Variants in ZGRF1 observed in about 807,000 individuals in gnomAD.
ZGRF1 encodes zinc finger GRF-type containing 1.
A neutral mutation model predicts 203.5 loss-of-function variants in ZGRF1; 196 were observed. That is an observed-to-expected ratio of 0.96 (90% CI 0.86 to 1.08). The LOEUF is 1.08. Among genes scored for constraint, ZGRF1 ranks in the 50% least tolerant of loss-of-function variants. The pLI is 0.00. For missense variants in ZGRF1, 2,326 were observed against 2,416.3 expected (o/e 0.96, Z 0.78); for synonymous variants, 809 against 841.3 (o/e 0.96, Z 0.66).
rs982890766 is a variant in ZGRF1, at chr4:112,565,178, G to A, written c.4439-1904C>T. The A allele has an allele frequency of 3.6e-5, 54 of 1,515,144 alleles. No homozygotes were observed. The African/African-American group carries it at 4.7e-4, about 13-fold the overall frequency. The allele number at this position is 1,515,144 out of a possible 1,614,324, so 93.9% of individuals were successfully genotyped here. A position where few individuals can be genotyped will look rare whatever the true frequency, so the allele number is the denominator to read the frequency against. On this transcript the variant is annotated intron_variant, in intron 16 of 27. Coordinates refer to ENST00000505019, the MANE Select transcript of ZGRF1 (RefSeq NM_018392.5). Reference sequence around the variant, plus strand: ...CAGAAGTCCACTGAACTTCTGATTCGCTAACTTCCCTTCCAGCGTCTGGTG... The same window carrying A: ...CAGAAGTCCACTGAACTTCTGATTCACTAACTTCCCTTCCAGCGTCTGGTG...
intron 2 of ZGRF1, among the ~76,000 whole-genome samples, chr4:112,632,764 G>A (rs2047453439): frequency 6.6e-6 from 1 of 152,194 alleles, no homozygotes; most frequent in African/African-American, 2.4e-5. Context: ...ACCAAATAGT[G>A]TGAGAACTGC....
At position 112,619,214 on chromosome 4, in the gene ZGRF1, C is replaced by A. The variant is rs2046985583; in HGVS notation, c.828G>T (p.Glu276Asp). The A allele has an allele frequency of 1.2e-6, 2 of 1,613,054 alleles. No individual in the cohort carries two copies. Among genetic ancestry groups the A allele is most frequent in the South Asian group, 1.1e-5 (1 of 91,086 alleles). ...SCEELNSEMT[E>D]HFPQKQPQGS... ...CTTGTGGTTGTTTTTGAGGAAAATG[C>A]TCTGTCATCTCAGAATTTAGTTCCT... The change falls in exon 6 of 28, where the codon GAG becomes GAT. Residue 276 changes from glutamate (E) to aspartate (D), a missense_variant. Glu to Asp is a conservative substitution (Grantham distance 45). Coordinates refer to ENST00000505019, the MANE Select transcript of ZGRF1 (RefSeq NM_018392.5).
intron 13 of ZGRF1, among the ~76,000 whole-genome samples, chr4:112,586,008 C>A (rs901085648): frequency 1.3e-5 from 2 of 151,584 alleles, no homozygotes; most frequent in South Asian, 4.2e-4. Flanking sequence ...GAGGCCAAGG[C>A]GAGTAGATTG....
At chr4:112,572,908 T>A (rs1433576504) in intron 16 of ZGRF1, among the ~76,000 whole-genome samples, 1 of 152,122 alleles carries the variant, frequency 6.6e-6, no homozygotes, top group African/African-American at 2.4e-5. Context: ...TTAATAGATG[T>A]TGGCAGGGAT....
chr4:112,584,921 C>G (rs1746911743), intron 14 of ZGRF1, among the ~76,000 whole-genome samples: 1 of 152,198 alleles, frequency 6.6e-6, no homozygotes, highest in Non-Finnish European at 1.5e-5. Flanking sequence ...ATTAAGCCAG[C>G]ATACTTTTCT....
rs750206256 is a variant in ZGRF1, at chr4:112,589,781, C to CA, written c.3069dup (p.Glu1024Ter). 1 of 1,613,662 alleles carries CA rather than the reference C, an allele frequency of 6.2e-7. No homozygotes were observed. The highest frequency in any genetic ancestry group is 1.1e-5 in the South Asian group (1 of 91,058). On this transcript the variant is annotated frameshift_variant, in exon 11 of 28. Coordinates refer to ENST00000505019, the MANE Select transcript of ZGRF1 (RefSeq NM_018392.5). LOFTEE classifies it high-confidence loss of function. ...AAAGTTCTTGCTTTCAGGGACGTCT[C>CA]AGAGAATTCTACCATGAAGTCTTCA... is the stretch of plus-strand genomic sequence containing the variant.
chr4:112,602,688 G>C (rs1453900232), intron 10 of ZGRF1, among the ~76,000 whole-genome samples: 2 of 152,112 alleles, frequency 1.3e-5, no homozygotes, highest in Non-Finnish European at 2.9e-5. Context: ...TTATGCAACA[G>C]AATACTACAC....
chr4:112,584,606 G>A (rs1746852030), intron 14 of ZGRF1, among the ~76,000 whole-genome samples: 1 of 151,952 alleles, frequency 6.6e-6, no homozygotes, highest in African/African-American at 2.4e-5. Flanking sequence ...CTGTAACCTA[G>A]CCCTTGTACC....
chr4:112,635,241 A>G (rs1195208205), intron 1 of ZGRF1, among the ~76,000 whole-genome samples: 1 of 152,166 alleles, frequency 6.6e-6, no homozygotes, highest in Non-Finnish European at 1.5e-5. Flanking sequence ...GAGATCGAGA[A>G]AAACACTCCT....
intron 3 of ZGRF1, among the ~76,000 whole-genome samples, chr4:112,627,495 CTT>C (rs1560887217): frequency 2.0e-5 from 3 of 152,174 alleles, no homozygotes; most frequent in African/African-American, 7.2e-5. Flanking sequence ...AATCCCAGCA[CTT>C]TAAGAGGCCG....
intron 16 of ZGRF1, among the ~76,000 whole-genome samples, chr4:112,570,498 T>C (rs373830325): frequency 6.6e-6 from 1 of 151,758 alleles, no homozygotes; most frequent in East Asian, 2.0e-4. Flanking sequence ...TGAGGCAGAA[T>C]GGCTTGAACC....
At chr4:112,549,883 T>A (rs1041907427) in intron 22 of ZGRF1, among the ~76,000 whole-genome samples, 2 of 152,052 alleles carry the variant, frequency 1.3e-5, no homozygotes, top group Non-Finnish European at 2.9e-5. Flanking sequence ...TGTGTCCTAG[T>A]GCCCCTAAAA....
At position 112,539,912 on chromosome 4, in the gene ZGRF1, G is replaced by A. The variant is rs1399354098; in HGVS notation, c.6123C>T (p.Ala2041=). Residue 2041 remains alanine (A), a synonymous_variant, in exon 27 of 28, where the codon GCC becomes GCT. Coordinates refer to ENST00000505019, the MANE Select transcript of ZGRF1 (RefSeq NM_018392.5). The part of the protein sequence containing the change: ...KRHLLIVGNL[A]CLRKNQLWGR... ...CCCAAAGTTGATTTTTCCTCAAACAGGCTAAATTTCCCACAATCAACAAAT... is the reference window on the plus strand; with the variant it reads ...CCCAAAGTTGATTTTTCCTCAAACAAGCTAAATTTCCCACAATCAACAAAT... 2 of 1,613,696 alleles carry A rather than the reference G, an allele frequency of 1.2e-6. No individual in the cohort carries two copies. The highest frequency in any genetic ancestry group is 1.3e-5 in the African/African-American group (1 of 74,898).
At chr4:112,597,625 T>C (rs775840318) in intron 10 of ZGRF1, among the ~76,000 whole-genome samples, 3 of 152,068 alleles carry the variant, frequency 2.0e-5, no homozygotes, top group Non-Finnish European at 4.4e-5. Flanking sequence ...ACTCCTGTAA[T>C]CCCAGCACTT....
At chr4:112,581,968 T>C (rs923933070) in intron 15 of ZGRF1, among the ~76,000 whole-genome samples, 166 bp from the exon 16 acceptor site, 4 of 152,186 alleles carry the variant, frequency 2.6e-5, no homozygotes, top group South Asian at 2.1e-4. Flanking sequence ...AAATAACAAC[T>C]GTCACAGAAC....
At chr4:112,630,395 G>A (rs944865766) in intron 3 of ZGRF1, among the ~76,000 whole-genome samples, 1 of 152,058 alleles carries the variant, frequency 6.6e-6, no homozygotes, top group Admixed American at 6.6e-5. Flanking sequence ...GCAAGTGCCT[G>A]TAATCTCAGC....
intron 4 of ZGRF1, among the ~76,000 whole-genome samples, chr4:112,623,022 C>A (rs567436288): frequency 6.6e-6 from 1 of 152,186 alleles, no homozygotes; most frequent in African/African-American, 2.4e-5. Flanking sequence ...CCCGTTTGTC[C>A]ATGCATTCTC....
chr4:112,554,778 G>A lies in ZGRF1; in HGVS notation c.5125C>T (p.Leu1709Phe). 1.3e-6 allele frequency: 2 copies of A among 1,515,022 alleles called. No individual in the cohort carries two copies. The highest frequency in any genetic ancestry group is 1.8e-6 in the Non-Finnish European group (2 of 1,115,150). 93.8% of individuals were successfully genotyped at this position (1,515,022 alleles called of 1,614,324 possible). ...ATAAAGTTTTCAAATCCAAGACTGA[G>A]AAGCCTTTAAATAAGAAAACAATAT... is the stretch of plus-strand genomic sequence containing the variant. ...VAVDRVLLGL[L>F]SLGFENFIRV... Residue 1709 changes from leucine to phenylalanine, a missense_variant, in exon 21 of 28, where the codon CTC becomes TTC. Transcript: ENST00000505019.
At chr4:112,557,625 C>G (rs1326813834) in intron 20 of ZGRF1, among the ~76,000 whole-genome samples, 1 of 152,190 alleles carries the variant, frequency 6.6e-6, no homozygotes, top group Non-Finnish European at 1.5e-5. Flanking sequence ...CAAAGAGCAT[C>G]CAGGTAGATG....
Sources: allele counts gnomAD v4.1 joint callset (sites outside exome capture counted in the v4.1 genomes callset), GRCh38; gene constraint gnomAD v4.1.1; transcripts MANE v1.5; gene names NCBI Gene and HGNC (gene_info 2026-07-23, HGNC 2026-07-21).